The following TLE7 variants were observed in gnomAD, a reference collection of about 807,000 sequenced individuals.
The protein encoded by TLE7 is TLE family member 7, also known as transducin-like enhancer protein 7.
At position 71,438,681 on chromosome 16, in the gene TLE7, C is replaced by CAAAA. The variant is rs71389663; in HGVS notation, c.-97+3284_-97+3287dup. On this transcript the variant is annotated intron_variant, in intron 1 of 9. Coordinates refer to ENST00000561754, the MANE Select transcript of TLE7 (RefSeq NM_001367365.2). ...TGGGTATCAGGGTGAGACTCCATCT[C>CAAAA]AAAAAAAAAAAAAAAAAAAGCGAAA... is the stretch of plus-strand genomic sequence containing the variant. Among the ~76,000 whole-genome samples, 15 of 65,742 alleles carry CAAAA rather than the reference C, an allele frequency of 2.3e-4. 1 individual carries two copies. Among genetic ancestry groups the CAAAA allele is most frequent in the African/African-American group, 6.0e-4 (12 of 19,892 alleles). 43.1% of individuals were successfully genotyped at this position (65,742 alleles called of 152,430 possible).
Position 71,432,656 on chromosome 16 carries a change from G to C in TLE7, c.393+9C>G, listed in dbSNP as rs970060717. On this transcript the variant is annotated intron_variant, in intron 4 of 9. Transcript: ENST00000561754. ...AGGAAGGATCCTGAGTATGAAGTTGGACACTTACAATTGCTCTGAGCAATG... is the reference window on the plus strand; with the variant it reads ...AGGAAGGATCCTGAGTATGAAGTTGCACACTTACAATTGCTCTGAGCAATG... 3 of 398,582 alleles carry C rather than the reference G, an allele frequency of 7.5e-6. No individual in the cohort carries two copies. Among genetic ancestry groups the C allele is most frequent in the African/African-American group, 6.2e-5 (3 of 48,628 alleles). The allele number at this position is 398,582 out of a possible 1,614,324, so 24.7% of individuals were successfully genotyped here.
At chr16:71,439,207 A>T (rs548628900) in intron 1 of TLE7, among the ~76,000 whole-genome samples, 9 of 152,286 alleles carry the variant, frequency 5.9e-5, no homozygotes, top group Non-Finnish European at 1.0e-4. Context: ...GGAGGGCTGT[A>T]AAGGGGTGGG....
Position 71,430,754 on chromosome 16 carries a change from C to T in TLE7, c.1148-13G>A, listed in dbSNP as rs1236328116. 4 of 398,368 alleles carry T rather than the reference C, an allele frequency of 1.0e-5. No individual in the cohort carries two copies. The highest frequency in any genetic ancestry group is 3.6e-5 in the East Asian group (1 of 28,080). The allele number at this position is 398,368 out of a possible 1,614,324, so 24.7% of individuals were successfully genotyped here. A position where few individuals can be genotyped will look rare whatever the true frequency, so the allele number is the denominator to read the frequency against. ...ACAAAATAGCTCCCTGGTGAAGGAACGAACAGGTGAGAGGCCAGAGACCAA... is the reference window on the plus strand; with the variant it reads ...ACAAAATAGCTCCCTGGTGAAGGAATGAACAGGTGAGAGGCCAGAGACCAA... On this transcript the variant is annotated splice_polypyrimidine_tract_variant and intron_variant, in intron 8 of 9. Transcript: ENST00000561754.
chr16:71,440,319 G>T (rs556279211), intron 1 of TLE7, among the ~76,000 whole-genome samples: 2 of 152,230 alleles, frequency 1.3e-5, no homozygotes, highest in Admixed American at 6.5e-5. Flanking sequence ...CCACGGAATT[G>T]TACACTTTAA....
At chr16:71,437,332 G>A (rs1423723830) in intron 1 of TLE7, among the ~76,000 whole-genome samples, 7 of 127,362 alleles carry the variant, frequency 5.5e-5, no homozygotes, top group African/African-American at 2.2e-4. Flanking sequence ...CTGAGTGACA[G>A]AGTGAGACTC....
chr16:71,436,557 G>T (rs2042826759), intron 1 of TLE7, among the ~76,000 whole-genome samples: 1 of 152,220 alleles, frequency 6.6e-6, no homozygotes, highest in South Asian at 2.1e-4. Context: ...TACGTCTTTG[G>T]ACTGGATTCA....
chr16:71,433,399 G>A lies in TLE7; in HGVS notation c.-75C>T. 2.5e-6 allele frequency: 1 copy of A among 398,288 alleles called. No individual in the cohort carries two copies. The highest frequency in any genetic ancestry group is 3.6e-5 in the East Asian group (1 of 28,074). 24.7% of individuals were successfully genotyped at this position (398,288 alleles called of 1,614,324 possible). On this transcript the variant is annotated 5_prime_UTR_variant, in exon 2 of 10. Transcript: ENST00000561754. ...AATAGACCCGCCAAACAGACACCAG[G>A]TTCCCAGTGTGTCCTGATCCCCTGT...
intron 1 of TLE7, among the ~76,000 whole-genome samples, chr16:71,441,472 T>C (rs2042847942): frequency 1.3e-5 from 2 of 152,222 alleles, no homozygotes; most frequent in African/African-American, 4.8e-5. Flanking sequence ...AGGGACCCGC[T>C]GCCCCAGGAC....
intron 1 of TLE7, among the ~76,000 whole-genome samples, chr16:71,441,343 C>G (rs758108679): frequency 6.6e-6 from 1 of 152,264 alleles, no homozygotes; most frequent in Non-Finnish European, 1.5e-5. Context: ...CCTCGGCCTC[C>G]CACAGTGCTG....
intron 1 of TLE7, among the ~76,000 whole-genome samples, chr16:71,435,342 C>T (rs1295614887): frequency 2.6e-5 from 4 of 151,998 alleles, no homozygotes; most frequent in Non-Finnish European, 4.4e-5. Flanking sequence ...ACCCGGGAGG[C>T]GGAGGTTGCA....
At chr16:71,436,748 C>T (rs1307647871) in intron 1 of TLE7, among the ~76,000 whole-genome samples, 1 of 152,238 alleles carries the variant, frequency 6.6e-6, no homozygotes, top group Admixed American at 6.5e-5. Flanking sequence ...CCTCTTCCTC[C>T]CCTGCTCTGG....
At chr16:71,433,877 G>A (rs2042816565) in intron 1 of TLE7, among the ~76,000 whole-genome samples, 1 of 152,190 alleles carries the variant, frequency 6.6e-6, no homozygotes, top group Non-Finnish European at 1.5e-5. Flanking sequence ...AGAATCACTT[G>A]AACAGAGGAG....
intron 1 of TLE7, among the ~76,000 whole-genome samples, chr16:71,434,706 A>G (rs2042819610): frequency 6.6e-6 from 1 of 152,154 alleles, no homozygotes; most frequent in African/African-American, 2.4e-5. Context: ...GAGCTTGGAG[A>G]GCACTGGGTC....
Position 71,430,120 on chromosome 16 carries a change from G to A in TLE7, c.*142C>T, listed in dbSNP as rs943149965. ...AAATCTGGGAGTGCAGGCTGAGAGC[G>A]GGCTACTGGAGGGGAGGGATGACCC... On this transcript the variant is annotated 3_prime_UTR_variant, in exon 10 of 10. Transcript: ENST00000561754. 4.8e-5 allele frequency: 19 copies of A among 395,958 alleles called. No homozygotes were observed. The highest frequency in any genetic ancestry group is 1.4e-4 in the East Asian group (4 of 27,952). The allele number at this position is 395,958 out of a possible 1,614,324, so 24.5% of individuals were successfully genotyped here.
At chr16:71,438,114 C>T (rs1347953869) in intron 1 of TLE7, among the ~76,000 whole-genome samples, 1 of 152,152 alleles carries the variant, frequency 6.6e-6, no homozygotes, top group East Asian at 1.9e-4. Flanking sequence ...ACACCATCTT[C>T]TGTTAGTGTC....
Position 71,433,076 on chromosome 16 carries a change from A to C in TLE7, c.249T>G (p.Ser83=), listed in dbSNP as rs1345431234. 1 of 398,666 alleles carries C rather than the reference A, an allele frequency of 2.5e-6. No individual in the cohort carries two copies. Among genetic ancestry groups the C allele is most frequent in the African/African-American group, 2.1e-5 (1 of 48,612 alleles). The allele number at this position is 398,666 out of a possible 1,614,324, so 24.7% of individuals were successfully genotyped here. A position where few individuals can be genotyped will look rare whatever the true frequency, so the allele number is the denominator to read the frequency against. Residue 83 remains serine, a synonymous_variant, in exon 2 of 10, where the codon TCT becomes TCG. Transcript: ENST00000561754. The part of the protein sequence containing the change: ...QQWHLQGLGR[S]ELQAAGLPDA... Reference sequence around the variant, plus strand: ...CAGGGAGCCCAGCGGCCTGGAGCTCAGATCTACCCAGGCCCTGGAGGTGCC... The same window carrying C: ...CAGGGAGCCCAGCGGCCTGGAGCTCCGATCTACCCAGGCCCTGGAGGTGCC...
At chr16:71,436,147 G>T (rs1242090707) in intron 1 of TLE7, among the ~76,000 whole-genome samples, 2 of 152,006 alleles carry the variant, frequency 1.3e-5, no homozygotes, top group Non-Finnish European at 2.9e-5. Flanking sequence ...AACCCCCCAT[G>T]GCAGGAAACT....
At position 71,430,710 on chromosome 16, in the gene TLE7, G is replaced by A. The variant is rs569537706; in HGVS notation, c.1179C>T (p.Arg393=). The A allele has an allele frequency of 2.5e-6, 1 of 398,616 alleles. No homozygotes were observed. The highest frequency in any genetic ancestry group is 2.1e-5 in the African/African-American group (1 of 48,738). The allele number at this position is 398,616 out of a possible 1,614,324, so 24.7% of individuals were successfully genotyped here. The change falls in exon 9 of 10, where the codon CGC becomes CGT. Residue 393 remains arginine, a synonymous_variant. Coordinates refer to ENST00000561754, the MANE Select transcript of TLE7 (RefSeq NM_001367365.2). The part of the protein sequence containing the change: ...GSYFVTAIDT[R]LSGLEAPSLQ... ...GAGAAGGTGCCTCCAAGCCACTGAGGCGCGTATCTATCGCGGTCACAAAAT... is the reference window on the plus strand; with the variant it reads ...GAGAAGGTGCCTCCAAGCCACTGAGACGCGTATCTATCGCGGTCACAAAAT...
intron 1 of TLE7, among the ~76,000 whole-genome samples, chr16:71,439,656 CCACATGTAATAGAT>C (rs2042839722): frequency 6.6e-6 from 1 of 152,134 alleles, no homozygotes; most frequent in Non-Finnish European, 1.5e-5. Flanking sequence ...GAAATCAAAG[CCACATGTAATAGAT>C]CACTTCACAC....
Sources: gnomAD v4.1 joint callset for allele counts (sites outside exome capture counted in the v4.1 genomes callset) on GRCh38, gnomAD v4.1.1 for gene constraint, MANE v1.5 for transcripts, NCBI Gene and HGNC (gene_info 2026-07-23, HGNC 2026-07-21) for gene names.